FBXL17: variants seen among roughly 807,000 people sequenced by gnomAD.
FBXL17 encodes the protein F-box/LRR-repeat protein 17.
Under a neutral mutation model 66.2 loss-of-function variants are expected in FBXL17, and 22 were observed. The observed-to-expected ratio is 0.33, with a 90% confidence interval of 0.24 to 0.47. The LOEUF (loss-of-function observed/expected upper bound fraction) is 0.47. Ranked by LOEUF, FBXL17 falls within the 20% of genes least tolerant of loss-of-function variation. FBXL17 has a pLI of 1.00. For missense variants in FBXL17, 878 were observed against 948.2 expected (o/e 0.93, Z 0.97); for synonymous variants, 474 against 400.5 (o/e 1.18, Z -2.19).
intron 7 of FBXL17, among the ~76,000 whole-genome samples, chr5:107,931,469 C>T (rs1750736671): frequency 6.6e-6 from 1 of 151,978 alleles, no homozygotes; most frequent in Non-Finnish European, 1.5e-5. Flanking sequence ...CCATGTTGCC[C>T]AGGCTGGTCT....
intron 6 of FBXL17, among the ~76,000 whole-genome samples, chr5:108,036,888 A>G (rs976130014): frequency 2.0e-5 from 3 of 152,188 alleles, no homozygotes; most frequent in African/African-American, 7.2e-5. Flanking sequence ...TATTTCAACA[A>G]AGTAGGGCAT....
chr5:108,361,300 G>A (rs1473828005), intron 3 of FBXL17, among the ~76,000 whole-genome samples: 1 of 152,142 alleles, frequency 6.6e-6, no homozygotes, highest in African/African-American at 2.4e-5. Flanking sequence ...TGTTTTGAAA[G>A]AGATTTCCTT....
intron 6 of FBXL17, among the ~76,000 whole-genome samples, chr5:108,059,037 T>C (rs1029206760): frequency 4.6e-5 from 7 of 152,208 alleles, no homozygotes; most frequent in Non-Finnish European, 7.3e-5. Context: ...TATATGACCA[T>C]AGAAAAAGCT....
chr5:108,104,887 CT>C (rs1245665849), intron 6 of FBXL17, among the ~76,000 whole-genome samples: 4 of 152,054 alleles, frequency 2.6e-5, no homozygotes, highest in African/African-American at 7.2e-5. Flanking sequence ...GTTGCCCAGG[CT>C]TGGAGTGCAG....
In FBXL17 at chr5:108,135,053, A is replaced by C. The variant is rs548623653; in HGVS notation, c.1745+51064T>G. Reference sequence around the variant, plus strand: ...TGATCAGAAACTCACAGCCTCAAAAAGGGTAGCAATATATGTAGTGGTAGC... The same window carrying C: ...TGATCAGAAACTCACAGCCTCAAAACGGGTAGCAATATATGTAGTGGTAGC... On this transcript the variant is annotated intron_variant, in intron 6 of 8. Coordinates refer to ENST00000542267, the MANE Select transcript of FBXL17 (RefSeq NM_001163315.3). 5.9e-4 allele frequency among the ~76,000 whole-genome samples: 90 copies of C among 152,284 alleles called. 3 individuals carry two copies. The highest frequency in any genetic ancestry group is 2.9e-5 in the Non-Finnish European group (2 of 68,006).
intron 1 of FBXL17, among the ~76,000 whole-genome samples, chr5:108,372,348 G>C (rs975319252): frequency 6.6e-6 from 1 of 152,146 alleles, no homozygotes; most frequent in Non-Finnish European, 1.5e-5. Flanking sequence ...AAAAGAGAGT[G>C]AAAGAGGCCT....
intron 6 of FBXL17, among the ~76,000 whole-genome samples, chr5:108,077,151 C>A (rs548165680): frequency 6.6e-6 from 1 of 152,286 alleles, no homozygotes; most frequent in African/African-American, 2.4e-5. Flanking sequence ...GACTTCCTAG[C>A]CTCACTGATA....
At chr5:108,253,302 C>T (rs931414360) in intron 4 of FBXL17, among the ~76,000 whole-genome samples, 1 of 151,990 alleles carries the variant, frequency 6.6e-6, no homozygotes, top group African/African-American at 2.4e-5. Flanking sequence ...AATGGTAATT[C>T]TGGTATTTAT....
intron 4 of FBXL17, among the ~76,000 whole-genome samples, chr5:108,231,484 T>A (rs913451160): frequency 2.6e-5 from 4 of 152,122 alleles, no homozygotes; most frequent in Non-Finnish European, 5.9e-5. Flanking sequence ...TCCATGTTAG[T>A]CCATGTATCA....
At chr5:108,303,488 T>C (rs1212571870) in intron 4 of FBXL17, among the ~76,000 whole-genome samples, 1 of 151,888 alleles carries the variant, frequency 6.6e-6, no homozygotes, top group Non-Finnish European at 1.5e-5. Context: ...AGTCAAACTA[T>C]TCTCTTTCAC....
intron 6 of FBXL17, among the ~76,000 whole-genome samples, chr5:108,041,393 A>T (rs771373127): frequency 2.8e-4 from 42 of 152,062 alleles, no homozygotes; most frequent in Non-Finnish European, 5.1e-4. Flanking sequence ...GACACTAAGC[A>T]AATTGCCTTT....
chr5:108,203,900 T>G (rs1214126587), intron 5 of FBXL17, among the ~76,000 whole-genome samples: 1 of 152,156 alleles, frequency 6.6e-6, no homozygotes, highest in Non-Finnish European at 1.5e-5. Flanking sequence ...AAAAATCAAT[T>G]TTGTTTTCCT....
At chr5:108,064,371 A>G (rs998504718) in intron 6 of FBXL17, among the ~76,000 whole-genome samples, 3 of 152,220 alleles carry the variant, frequency 2.0e-5, no homozygotes, top group African/African-American at 7.2e-5. Flanking sequence ...TCTGTGAAAT[A>G]AAAACTGAAG....
intron 4 of FBXL17, among the ~76,000 whole-genome samples, chr5:108,271,067 T>C (rs1386773750): frequency 6.8e-6 from 1 of 146,230 alleles, no homozygotes; most frequent in Non-Finnish European, 1.5e-5. Flanking sequence ...AGACAAATGA[T>C]TTAGTAAATA....
chr5:107,942,832 T>A (rs150072784), intron 7 of FBXL17, among the ~76,000 whole-genome samples: 110 of 152,192 alleles, frequency 7.2e-4, no homozygotes, highest in African/African-American at 2.6e-3. Context: ...CTAAGTGGAA[T>A]TCTCCTTTCC....
chr5:108,304,470 T>C (rs936000054), intron 4 of FBXL17, among the ~76,000 whole-genome samples: 2 of 151,954 alleles, frequency 1.3e-5, no homozygotes, highest in African/African-American at 4.8e-5. Flanking sequence ...ATATAATCAC[T>C]TTCAGTGAAG....
chr5:108,206,597 T>C (rs1754128571), intron 5 of FBXL17, among the ~76,000 whole-genome samples: 1 of 152,096 alleles, frequency 6.6e-6, no homozygotes, highest in African/African-American at 2.4e-5. Flanking sequence ...ATCATTTGCA[T>C]TTCTTAGAAT....
chr5:108,245,202 T>C (rs1228127132), intron 4 of FBXL17, among the ~76,000 whole-genome samples: 1 of 151,852 alleles, frequency 6.6e-6, no homozygotes, highest in Middle Eastern at 3.2e-3. Flanking sequence ...AAAAAGAAAA[T>C]GCACAGAAGC....
At chr5:108,078,312 T>C (rs948732074) in intron 6 of FBXL17, among the ~76,000 whole-genome samples, 2 of 152,216 alleles carry the variant, frequency 1.3e-5, no homozygotes, top group Admixed American at 6.5e-5. Flanking sequence ...CCTTTGTCCA[T>C]CTCTAACAAC....
Sources: allele counts gnomAD v4.1 joint callset (sites outside exome capture counted in the v4.1 genomes callset), GRCh38; gene constraint gnomAD v4.1.1; transcripts MANE v1.5; gene names NCBI Gene and HGNC (gene_info 2026-07-23, HGNC 2026-07-21).